Variants in RPS24 observed in about 807,000 individuals in gnomAD.
RPS24 encodes small ribosomal subunit protein eS24.
For missense variants in RPS24, 100 were observed against 162.5 expected (o/e 0.62, Z 2.09); for synonymous variants, 72 against 55.6 (o/e 1.30, Z -1.31).
chr10:78,047,232 C>T (rs1848054457), intron 4 of RPS24, among the ~76,000 whole-genome samples: 1 of 151,880 alleles, frequency 6.6e-6, no homozygotes, highest in Non-Finnish European at 1.5e-5. Context: ...TCCAAAAGTG[C>T]TGGGATTATA....
intron 4 of RPS24, chr10:78,038,376 G>A (rs12256430): frequency 0.031 from 4,844 of 157,954 alleles, 288 homozygotes; most frequent in African/African-American, 0.11. Context: ...TCTTATCCAA[G>A]GAGCAGTCTT....
At position 78,040,402 on chromosome 10, in the gene RPS24, A is replaced by G. The variant is rs535141789; in HGVS notation, c.*19+177A>G. 5.3e-5 allele frequency: 38 copies of G among 718,506 alleles called. No individual in the cohort carries two copies. In the South Asian group the frequency reaches 6.5e-4, roughly 12 times the overall value. The allele number at this position is 718,506 out of a possible 1,614,324, so 44.5% of individuals were successfully genotyped here. The stretch of plus-strand genomic sequence containing the variant: ...CATGGTTTTGTTTTTAAGGTTTAGC[A>G]ATATTTAGCCCATTATTTTTGTTTT... On this transcript the variant is annotated intron_variant, in intron 5 of 5. Transcript: ENST00000372360.
rs7071081 is a variant in RPS24 at position 78,034,119 on chromosome 10, C to T, written c.3+215C>T. The T allele has an allele frequency of 0.02, 12,639 of 625,242 alleles. 1,115 individuals are homozygous for T. Among genetic ancestry groups the T allele is most frequent in the African/African-American group, 0.2 (10,721 of 54,308 alleles). 38.7% of individuals were successfully genotyped at this position (625,242 alleles called of 1,614,324 possible). A position where few individuals can be genotyped will look rare whatever the true frequency, so the allele number is the denominator to read the frequency against. ...CCCGGACACGCTGGGCTTCGGGCTC[C>T]AGCGCCTGGGCAGTGCAGGAGCTGT... On this transcript the variant is annotated intron_variant, in intron 1 of 5. Coordinates refer to ENST00000372360, the MANE Select transcript of RPS24 (RefSeq NM_033022.4).
At chr10:78,042,294 C>T (rs1291335283), downstream of RPS24, among the ~76,000 whole-genome samples, 1 of 152,214 alleles carries the variant, frequency 6.6e-6, no homozygotes, top group Non-Finnish European at 1.5e-5. Flanking sequence ...TCTGTCCCTG[C>T]TGCCTGCTTC....
downstream of RPS24, among the ~76,000 whole-genome samples, chr10:78,042,330 T>G (rs994599817): frequency 6.6e-6 from 1 of 152,180 alleles, no homozygotes; most frequent in African/African-American, 2.4e-5. Flanking sequence ...ATCCAAGTGT[T>G]TTTTGGGGAA....
chr10:78,035,390 C>T lies in RPS24; in HGVS notation c.42C>T (p.Thr14=). Residue 14 remains threonine (T), a synonymous_variant, in exon 2 of 6, where the codon ACC becomes ACT. Transcript: ENST00000372360. ...TVTIRTRKFM[T]NRLLQRKQMV... ...CTATCCGCACTAGAAAGTTCATGAC[C>T]AACCGACTACTTCAGAGGAAACAAA... The T allele has an allele frequency of 2.5e-6, 4 of 1,614,128 alleles. No homozygotes were observed. The highest frequency in any genetic ancestry group is 3.4e-6 in the Non-Finnish European group (4 of 1,180,004).
chr10:78,034,097 G>A (rs1412421245), intron 1 of RPS24, 193 bp downstream of exon 1: 5 of 687,436 alleles, frequency 7.3e-6, no homozygotes, highest in African/African-American at 1.8e-5. Context: ...CTGTAGACCC[G>A]GACACGCTGG....
chr10:78,034,327 C>T lies in RPS24; in HGVS notation c.3+423C>T, dbSNP rs182681308. On this transcript the variant is annotated intron_variant, in intron 1 of 5. Coordinates refer to ENST00000372360, the MANE Select transcript of RPS24 (RefSeq NM_033022.4). ...CCTGGGCGAGTTGCGGCAAGTGAAA[C>T]CATTCCCACGTGTAAGCTAGAAAAC... 129 of 273,756 alleles carry T rather than the reference C, an allele frequency of 4.7e-4. 2 individuals are homozygous for T. The East Asian group carries it at 0.01, about 22-fold the overall frequency. The allele number at this position is 273,756 out of a possible 1,614,324, so 17.0% of individuals were successfully genotyped here. A position where few individuals can be genotyped will look rare whatever the true frequency, so the allele number is the denominator to read the frequency against.
intron 5 of RPS24, 167 bp from the exon 6 acceptor site, chr10:78,040,448 T>C (rs555434614): frequency 1.4e-6 from 1 of 727,054 alleles, no homozygotes; most frequent in East Asian, 2.7e-5. Context: ...TGAATGTTTG[T>C]AAATTTTATT....
At chr10:78,035,909 A>C in intron 3 of RPS24, 189 bp downstream of exon 3, 1 of 610,606 alleles carries the variant, frequency 1.6e-6, no homozygotes, top group Non-Finnish European at 2.9e-6. Context: ...CTGACATTTG[A>C]GCTGAGTTCA....
intron 4 of RPS24, chr10:78,037,512 G>C: frequency 1.4e-6 from 1 of 709,758 alleles, no homozygotes; most frequent in Non-Finnish European, 2.2e-6. Context: ...CCCACCCCTT[G>C]TCAGCTCACA....
Position 78,054,660 on chromosome 10 carries a change from TG to T in RPS24, c.522del (p.Trp174Ter). On this transcript the variant is annotated frameshift_variant, in exon 5 of 5. Coordinates refer to the RPS24 transcript ENST00000440692. LOFTEE classifies it low-confidence loss of function (END_TRUNC). ...GTGGCAGGTAGAAGTGCCAGGACCG[TG>T]GAGCGTGTGGACATGTGGCAGATTG... 2.6e-6 allele frequency: 4 copies of T among 1,551,632 alleles called. No homozygotes were observed. Among genetic ancestry groups the T allele is most frequent in the Non-Finnish European group, 3.5e-6 (4 of 1,146,978 alleles).
At chr10:78,047,782 G>A (rs1020104968) in intron 4 of RPS24, among the ~76,000 whole-genome samples, 3 of 152,226 alleles carry the variant, frequency 2.0e-5, no homozygotes, top group African/African-American at 7.2e-5. Flanking sequence ...TTCTATTGGG[G>A]GAGGTGGGGG....
At chr10:78,037,809 T>C in intron 4 of RPS24, 1 of 468,176 alleles carries the variant, frequency 2.1e-6, no homozygotes, top group Non-Finnish European at 3.4e-6. Flanking sequence ...TTTTACCAGC[T>C]TTGCTAGCTG....
chr10:78,047,405 A>T (rs151151910), intron 4 of RPS24, among the ~76,000 whole-genome samples: 2 of 152,098 alleles, frequency 1.3e-5, no homozygotes, highest in Non-Finnish European at 1.5e-5. Context: ...AGACTGCCCC[A>T]TCCCTGCCTT....
At chr10:78,037,375 CT>C in intron 4 of RPS24, 71 bp downstream of exon 4, 1 of 1,513,812 alleles carries the variant, frequency 6.6e-7, no homozygotes, top group Non-Finnish European at 8.8e-7. Context: ...AAGAAGGGAT[CT>C]TATTAATTTT....
chr10:78,037,780 A>G (rs1847904608), intron 4 of RPS24: 1 of 384,836 alleles, frequency 2.6e-6, no homozygotes. Context: ...AAGACAAGTG[A>G]TTTTAGCGAT....
chr10:78,040,844 G>A (rs1332331510), downstream of RPS24: 10 of 638,630 alleles, frequency 1.6e-5, no homozygotes, highest in East Asian at 2.8e-4. Flanking sequence ...TTTGCTGCTT[G>A]GTTTATAGCT....
At chr10:78,054,461 C>T (rs1035377666) in intron 4 of RPS24, 188 of 1,364,118 alleles carry the variant, frequency 1.4e-4, no homozygotes, top group Non-Finnish European at 1.7e-4. Context: ...AGGCCACAGG[C>T]GCAGAACAGG....
Sources: gnomAD v4.1 joint callset for allele counts (sites outside exome capture counted in the v4.1 genomes callset) on GRCh38, gnomAD v4.1.1 for gene constraint, MANE v1.5 for transcripts, NCBI Gene and HGNC (gene_info 2026-07-23, HGNC 2026-07-21) for gene names.